The following LRIG1 variants were observed in gnomAD, a reference collection of about 807,000 sequenced individuals.
LRIG1 encodes the protein leucine-rich repeats and immunoglobulin-like domains protein 1.
LRIG1 carries 48 observed loss-of-function variants against 99.2 expected under a neutral mutation model. That is an observed-to-expected ratio of 0.48 (90% CI 0.38 to 0.62). The LOEUF (loss-of-function observed/expected upper bound fraction) is 0.62, where lower values mean the gene tolerates loss of function less well. LRIG1 is among the 20% of genes least tolerant of loss of function. LRIG1 has a pLI of 0.00. For missense variants in LRIG1, 1,646 were observed against 1,434.4 expected (o/e 1.15, Z -2.38); for synonymous variants, 772 against 596.1 (o/e 1.29, Z -4.30).
At position 66,500,634 on chromosome 3, in the gene LRIG1, G is replaced by GGGCC. The variant is rs547581122; in HGVS notation, c.-231_-228dup. The GGGCC allele has an allele frequency of 9.5e-6, 3 of 316,176 alleles. No individual in the cohort carries two copies. The highest frequency in any genetic ancestry group is 3.1e-4 in the South Asian group (2 of 6,394). 19.6% of individuals were successfully genotyped at this position (316,176 alleles called of 1,614,324 possible). A position where few individuals can be genotyped will look rare whatever the true frequency, so the allele number is the denominator to read the frequency against. On this transcript the variant is annotated 5_prime_UTR_variant, in exon 1 of 19. Transcript: ENST00000273261. Reference sequence around the variant, plus strand: ...GGGGCCGCAAACCCCGCGCCCATCCGGGCCGGCCGGCCCGCCCGCGCTAGC... The same window carrying GGGCC: ...GGGGCCGCAAACCCCGCGCCCATCCGGGCCGGCCGGCCGGCCCGCCCGCGCTAGC...
intron 12 of LRIG1, among the ~76,000 whole-genome samples, chr3:66,391,602 C>G (rs1701621582): frequency 6.6e-6 from 1 of 152,136 alleles, no homozygotes; most frequent in Non-Finnish European, 1.5e-5. Flanking sequence ...TTAGTGCTAT[C>G]AAGGGCCTGG....
At chr3:66,467,697 G>A (rs376263603) in intron 1 of LRIG1, among the ~76,000 whole-genome samples, 2 of 152,348 alleles carry the variant, frequency 1.3e-5, no homozygotes, top group East Asian at 1.9e-4. Flanking sequence ...ACAGTACCAC[G>A]TGGCTAGTGG....
chr3:66,496,870 T>C (rs1350427413), intron 1 of LRIG1, among the ~76,000 whole-genome samples: 1 of 152,246 alleles, frequency 6.6e-6, no homozygotes, highest in Non-Finnish European at 1.5e-5. Flanking sequence ...ACCTGGGCCT[T>C]CCAGCACAGC....
chr3:66,407,257 A>G (rs1222264740), intron 8 of LRIG1, 91 bp downstream of exon 8: 10 of 1,410,758 alleles, frequency 7.1e-6, no homozygotes, highest in African/African-American at 1.4e-5. Context: ...CTCGAAGCCA[A>G]CGCAAATGGA....
At chr3:66,499,134 T>C (rs929800412) in intron 1 of LRIG1, among the ~76,000 whole-genome samples, 1 of 152,222 alleles carries the variant, frequency 6.6e-6, no homozygotes, top group Non-Finnish European at 1.5e-5. Context: ...TACCCATAAC[T>C]GAACGGGATT....
chr3:66,407,672 C>T (rs1019562423), intron 7 of LRIG1, among the ~76,000 whole-genome samples, 181 bp from the exon 8 acceptor site: 3 of 152,220 alleles, frequency 2.0e-5, no homozygotes, highest in Non-Finnish European at 4.4e-5. Flanking sequence ...AGTGGCCATG[C>T]AGCTAGAAAC....
chr3:66,489,403 T>A (rs974094708), intron 1 of LRIG1, among the ~76,000 whole-genome samples: 3 of 152,008 alleles, frequency 2.0e-5, no homozygotes, highest in African/African-American at 7.2e-5. Flanking sequence ...ATGCCTGTAG[T>A]CCTAGCTACT....
chr3:66,473,291 C>G (rs1390321263), intron 1 of LRIG1, among the ~76,000 whole-genome samples: 1 of 152,174 alleles, frequency 6.6e-6, no homozygotes, highest in Non-Finnish European at 1.5e-5. Flanking sequence ...AACTACCTTT[C>G]CAGGCTGGAG....
chr3:66,497,704 C>CAAAAAAAAAAAAAAAAAAAAAAAAAAAAA (rs71616223), intron 1 of LRIG1, among the ~76,000 whole-genome samples: 1 of 89,266 alleles, frequency 1.1e-5, no homozygotes, highest in Non-Finnish European at 2.0e-5. Context: ...GCACTGTTTA[C>CAAAAAAAAAAAAAAAAAAAAAAAAAAAAA]AAAAAAAAAA....
intron 1 of LRIG1, among the ~76,000 whole-genome samples, chr3:66,466,215 G>A (rs567304924): frequency 1.8e-4 from 28 of 152,150 alleles, no homozygotes; most frequent in African/African-American, 6.7e-4. Context: ...TACTTTTTTA[G>A]TAGACATGGT....
At chr3:66,497,390 TAAG>T (rs1166191959) in intron 1 of LRIG1, among the ~76,000 whole-genome samples, 1 of 152,214 alleles carries the variant, frequency 6.6e-6, no homozygotes, top group East Asian at 1.9e-4. Context: ...ATCTGAGTTC[TAAG>T]AAGTTCAACT....
intron 12 of LRIG1, among the ~76,000 whole-genome samples, chr3:66,388,687 G>A (rs1701496692): frequency 6.6e-6 from 1 of 151,980 alleles, no homozygotes; most frequent in Non-Finnish European, 1.5e-5. Context: ...AGAACAGAAG[G>A]CAGTAGGAAG....
At chr3:66,408,213 A>G (rs377195594) in intron 7 of LRIG1, among the ~76,000 whole-genome samples, 60 of 152,100 alleles carry the variant, frequency 3.9e-4, no homozygotes, top group African/African-American at 1.3e-3. Context: ...CAGGGATAGG[A>G]AGATGGAAAA....
At chr3:66,412,427 A>T (rs1053227844) in intron 6 of LRIG1, among the ~76,000 whole-genome samples, 2 of 152,182 alleles carry the variant, frequency 1.3e-5, no homozygotes, top group African/African-American at 4.8e-5. Context: ...ATGGCCCCCA[A>T]ACTCCATCTC....
intron 1 of LRIG1, among the ~76,000 whole-genome samples, chr3:66,499,382 T>C (rs1319623110): frequency 1.3e-5 from 2 of 152,092 alleles, no homozygotes; most frequent in Admixed American, 6.5e-5. Flanking sequence ...CAAAACTCAT[T>C]TGCACCATTT....
Position 66,401,812 on chromosome 3 carries a change from T to G in LRIG1, c.1161-2771A>C, listed in dbSNP as rs1702067306. 7.7e-6 allele frequency: 4 copies of G among 518,224 alleles called. No homozygotes were observed. In the South Asian group the frequency reaches 1.4e-4, roughly 18 times the overall value. 32.1% of individuals were successfully genotyped at this position (518,224 alleles called of 1,614,324 possible). A position where few individuals can be genotyped will look rare whatever the true frequency, so the allele number is the denominator to read the frequency against. On this transcript the variant is annotated intron_variant, in intron 9 of 18. Transcript: ENST00000273261. ...CACCAACCTGGAACAGAAAGCGACC[T>G]GCGGGAGTCACCTGTCAAACCTCCC...
chr3:66,384,291 C>G lies in LRIG1; in HGVS notation c.1790-19G>C. ...GGCAACACTGGAAAACATACGTATA[C>G]AGGGTCGGGTTACGGGACAGCTAGA... On this transcript the variant is annotated intron_variant, in intron 13 of 18. Coordinates refer to ENST00000273261, the MANE Select transcript of LRIG1 (RefSeq NM_015541.3). 6.2e-7 allele frequency: 1 copy of G among 1,602,074 alleles called. No individual in the cohort carries two copies. Among genetic ancestry groups the G allele is most frequent in the Non-Finnish European group, 8.5e-7 (1 of 1,171,132 alleles).
intron 3 of LRIG1, among the ~76,000 whole-genome samples, chr3:66,434,337 A>G (rs533215821): frequency 3.3e-5 from 5 of 152,362 alleles, no homozygotes; most frequent in African/African-American, 1.2e-4. Context: ...AAGAATCTAC[A>G]GGTGGCAAAC....
At chr3:66,450,424 G>A (rs1408198521) in intron 3 of LRIG1, among the ~76,000 whole-genome samples, 1 of 152,144 alleles carries the variant, frequency 6.6e-6, no homozygotes, top group Non-Finnish European at 1.5e-5. Flanking sequence ...ATGTAAATGA[G>A]GGAAACGAGG....
Sources: allele counts gnomAD v4.1 joint callset (sites outside exome capture counted in the v4.1 genomes callset), GRCh38; gene constraint gnomAD v4.1.1; transcripts MANE v1.5; gene names NCBI Gene and HGNC (gene_info 2026-07-23, HGNC 2026-07-21).